The following DLGAP1 variants were observed in gnomAD, a reference collection of about 807,000 sequenced individuals.
DLGAP1 encodes the protein disks large-associated protein 1.
A neutral mutation model predicts 90.8 loss-of-function variants in DLGAP1; 11 were observed. The observed-to-expected ratio is 0.12, with a 90% CI of 0.08 to 0.20. The LOEUF (loss-of-function observed/expected upper bound fraction) is 0.20, where lower values mean the gene tolerates loss of function less well. Among genes scored for constraint, DLGAP1 ranks in the 10% least tolerant of loss-of-function variants. The probability of loss-of-function intolerance (pLI) is 1.00; values close to 1 mark genes in which losing one functional copy is unlikely to be tolerated. For missense variants in DLGAP1, 1,050 were observed against 1,333.8 expected, an observed-to-expected ratio of 0.79 and a Z score of 3.31; for synonymous variants, 558 against 540.7, an observed-to-expected ratio of 1.03 and a Z score of -0.44.
At chr18:3,671,808 A>G (rs1389458271) in intron 7 of DLGAP1, among the ~76,000 whole-genome samples, 1 of 152,204 alleles carries the variant, frequency 6.6e-6, no homozygotes, top group African/African-American at 2.4e-5. Context: ...AGATTATTTT[A>G]CCCCTGCCCT....
At chr18:3,515,907 G>A (rs1053739440) in intron 10 of DLGAP1, among the ~76,000 whole-genome samples, 1 of 151,842 alleles carries the variant, frequency 6.6e-6, no homozygotes, top group Non-Finnish European at 1.5e-5. Flanking sequence ...TCTTCACCAA[G>A]AGTAGATTCC....
chr18:3,956,145 C>T (rs8092654), intron 3 of DLGAP1, among the ~76,000 whole-genome samples: 8,212 of 152,016 alleles, frequency 0.054, 477 homozygotes, highest in African/African-American at 0.15. Context: ...ATAAAGGCAG[C>T]GATAAAGATA....
chr18:4,297,959 A>G (rs1192805554), intron 1 of DLGAP1, among the ~76,000 whole-genome samples: 4 of 152,196 alleles, frequency 2.6e-5, no homozygotes, highest in African/African-American at 4.8e-5. Context: ...GCCACAAGCC[A>G]GAGGGAAGAC....
chr18:3,881,676 G>A (rs971588035), intron 3 of DLGAP1, among the ~76,000 whole-genome samples: 8 of 152,216 alleles, frequency 5.3e-5, no homozygotes, highest in African/African-American at 1.9e-4. Flanking sequence ...CACTTTGGGA[G>A]GCCGAGGCAG....
chr18:3,966,547 C>T (rs1284340121), intron 3 of DLGAP1, among the ~76,000 whole-genome samples: 8 of 151,878 alleles, frequency 5.3e-5, no homozygotes, highest in Admixed American at 3.3e-4. Context: ...TAAAAAAAAT[C>T]GGACTAGAAA....
chr18:4,004,577 C>T lies in DLGAP1; in HGVS notation c.-73+539G>A, dbSNP rs1220198755. Reference sequence around the variant, plus strand: ...ATGTGAAAAAAACAAAAAAGAAAAACTATGAGTCAGAAGAGGAAAAATAGT... The same window carrying T: ...ATGTGAAAAAAACAAAAAAGAAAAATTATGAGTCAGAAGAGGAAAAATAGT... On this transcript the variant is annotated intron_variant, in intron 3 of 12. Transcript: ENST00000315677. Among the ~76,000 whole-genome samples the T allele has an allele frequency of 2.0e-5, 3 of 152,254 alleles. No homozygotes were observed. In the South Asian group the frequency reaches 6.2e-4, roughly 32 times the overall value.
intron 4 of DLGAP1, among the ~76,000 whole-genome samples, chr18:3,817,925 C>G (rs1318186192): frequency 1.3e-5 from 2 of 152,154 alleles, no homozygotes; most frequent in African/African-American, 2.4e-5. Flanking sequence ...GTTTCAGGAG[C>G]TGGAAGTCTT....
At chr18:4,015,571 A>T (rs972840301) in intron 2 of DLGAP1, among the ~76,000 whole-genome samples, 3 of 152,312 alleles carry the variant, frequency 2.0e-5, no homozygotes, top group Middle Eastern at 6.8e-3. Flanking sequence ...GGGAAAATTT[A>T]AAAAAGTTTC....
chr18:4,063,328 G>A (rs2075325813), intron 2 of DLGAP1, among the ~76,000 whole-genome samples: 1 of 152,098 alleles, frequency 6.6e-6, no homozygotes, highest in Non-Finnish European at 1.5e-5. Context: ...TACATTTTGA[G>A]CTCAAAAGTC....
At chr18:3,541,478 C>T (rs1286731635) in intron 9 of DLGAP1, among the ~76,000 whole-genome samples, 1 of 152,080 alleles carries the variant, frequency 6.6e-6, no homozygotes, top group Non-Finnish European at 1.5e-5. Flanking sequence ...AGTGCAATTT[C>T]AAGGGTGGGT....
At chr18:3,701,989 C>T (rs1489740386) in intron 7 of DLGAP1, among the ~76,000 whole-genome samples, 1 of 152,104 alleles carries the variant, frequency 6.6e-6, no homozygotes, top group East Asian at 1.9e-4. Context: ...GAGATGTATA[C>T]ATTTATGTTA....
At chr18:3,896,273 C>T (rs549956628) in intron 3 of DLGAP1, 3 of 152,320 alleles carry the variant, frequency 2.0e-5, no homozygotes, top group African/African-American at 7.2e-5. Context: ...GCTATTCCTG[C>T]TCCTCAATAG....
At chr18:4,331,533 C>A (rs1181886979) in intron 1 of DLGAP1, among the ~76,000 whole-genome samples, 1 of 151,718 alleles carries the variant, frequency 6.6e-6, no homozygotes. Context: ...ATTTCTTGTA[C>A]CAGCAGCAAG....
At chr18:4,196,928 T>C (rs1366509908) in intron 1 of DLGAP1, among the ~76,000 whole-genome samples, 3 of 151,450 alleles carry the variant, frequency 2.0e-5, no homozygotes. Context: ...ATCCCAGCAC[T>C]TTGGGAGGCC....
chr18:3,665,651 T>C (rs1360818402), intron 7 of DLGAP1, among the ~76,000 whole-genome samples: 1 of 152,248 alleles, frequency 6.6e-6, no homozygotes, highest in Non-Finnish European at 1.5e-5. Flanking sequence ...TTTCATTAAA[T>C]GGGTTTAGTA....
chr18:3,840,638 T>C (rs2068660906), intron 4 of DLGAP1, among the ~76,000 whole-genome samples: 1 of 152,224 alleles, frequency 6.6e-6, no homozygotes, highest in Admixed American at 6.5e-5. Context: ...GATTAGAGTG[T>C]GGCCCCATCT....
chr18:4,228,380 C>G (rs1231319481), intron 1 of DLGAP1, among the ~76,000 whole-genome samples: 1 of 151,914 alleles, frequency 6.6e-6, no homozygotes, highest in Non-Finnish European at 1.5e-5. Context: ...AAGACGAAGA[C>G]ACATCAAGAA....
At chr18:4,003,335 C>G (rs1333345425) in intron 3 of DLGAP1, among the ~76,000 whole-genome samples, 1 of 151,692 alleles carries the variant, frequency 6.6e-6, no homozygotes. Context: ...AAGTGACTGA[C>G]TGAGATTTAA....
intron 2 of DLGAP1, among the ~76,000 whole-genome samples, chr18:4,044,567 C>A (rs973253475): frequency 6.6e-6 from 1 of 151,996 alleles, no homozygotes; most frequent in Non-Finnish European, 1.5e-5. Context: ...ATGGTGAAAC[C>A]CTGTCTCTAC....
Sources: gnomAD v4.1 joint callset for allele counts (sites outside exome capture counted in the v4.1 genomes callset) on GRCh38, gnomAD v4.1.1 for gene constraint, MANE v1.5 for transcripts, NCBI Gene and HGNC (gene_info 2026-07-23, HGNC 2026-07-21) for gene names.